The following KSR2 variants were observed in gnomAD, a reference collection of about 807,000 sequenced individuals.
KSR2 encodes the protein kinase suppressor of ras 2.
A neutral mutation model predicts 107.8 loss-of-function variants in KSR2; 25 were observed. That is an observed-to-expected ratio of 0.23 (90% confidence interval 0.17 to 0.32). The LOEUF (loss-of-function observed/expected upper bound fraction) is 0.32, where lower values mean the gene tolerates loss of function less well. Ranked by LOEUF, KSR2 falls within the 10% of genes least tolerant of loss-of-function variation. The pLI is 1.00. For missense variants in KSR2, 887 were observed against 1,268.9 expected (o/e 0.70, Z 4.57); for synonymous variants, 480 against 507.0 (o/e 0.95, Z 0.71).
At position 117,508,287 on chromosome 12, in the gene KSR2, A is replaced by G. The variant is rs183409997; in HGVS notation, c.2219+16565T>C. Among the ~76,000 whole-genome samples the G allele has an allele frequency of 9.3e-4, 142 of 152,298 alleles. 1 individual carries two copies. Among genetic ancestry groups the G allele is most frequent in the African/African-American group, 3.2e-3 (135 of 41,574 alleles). On this transcript the variant is annotated intron_variant, in intron 14 of 19. Coordinates refer to ENST00000339824, the MANE Select transcript of KSR2 (RefSeq NM_173598.6). ...CAGCCTTCCCATGCTACTGGCCATC[A>G]TGTCTTGCCTCAAGGAGTCGGCTTT...
At chr12:117,525,645 C>G (rs1335614599) in intron 13 of KSR2, among the ~76,000 whole-genome samples, 1 of 152,220 alleles carries the variant, frequency 6.6e-6, no homozygotes, top group Non-Finnish European at 1.5e-5. Context: ...CCTTCCTATT[C>G]TTCCATAGTC....
At chr12:117,885,661 GAACACAGGGAGGGGAAC>G (rs1486922329) in intron 1 of KSR2, among the ~76,000 whole-genome samples, 1 of 137,582 alleles carries the variant, frequency 7.3e-6, no homozygotes, top group East Asian at 2.1e-4. Flanking sequence ...CATAGGTATT[GAACACAGGGAGGGGAAC>G]AACACAGGGG....
intron 14 of KSR2, among the ~76,000 whole-genome samples, chr12:117,509,600 G>A (rs2137195043): frequency 6.6e-6 from 1 of 152,318 alleles, no homozygotes. Flanking sequence ...AGAGAGATCA[G>A]ACCCAGGGAA....
At chr12:117,959,584 G>A (rs1896603602) in intron 1 of KSR2, among the ~76,000 whole-genome samples, 1 of 152,036 alleles carries the variant, frequency 6.6e-6, no homozygotes, top group Non-Finnish European at 1.5e-5. Context: ...GCAGCAATCA[G>A]AAGATCATTT....
intron 1 of KSR2, among the ~76,000 whole-genome samples, chr12:117,884,488 T>C (rs1894116094): frequency 6.6e-6 from 1 of 152,194 alleles, no homozygotes; most frequent in Non-Finnish European, 1.5e-5. Flanking sequence ...TCTAAAGTTC[T>C]CTTGCTTGTA....
chr12:117,536,089 C>G (rs1359221037), intron 10 of KSR2, among the ~76,000 whole-genome samples: 1 of 151,388 alleles, frequency 6.6e-6, no homozygotes. Context: ...ATCCTTTTCA[C>G]CACATGTCCT....
intron 1 of KSR2, among the ~76,000 whole-genome samples, chr12:117,929,948 T>C (rs1487854818): frequency 2.6e-5 from 4 of 152,194 alleles, no homozygotes. Flanking sequence ...AGTTATTACA[T>C]AGCACTGTGA....
At chr12:117,770,495 T>C (rs936481516) in intron 3 of KSR2, among the ~76,000 whole-genome samples, 1 of 152,110 alleles carries the variant, frequency 6.6e-6, no homozygotes, top group Middle Eastern at 3.4e-3. Context: ...AGTATGTTTC[T>C]GCTGGTTTAA....
rs1565922870 is a variant in KSR2, at chr12:117,606,414, TCCCTCCCCTCCTTCCTC to T, written c.1172-24072_1172-24056del. 3.0e-4 allele frequency among the ~76,000 whole-genome samples: 24 copies of T among 80,768 alleles called. 2 individuals carry two copies. The highest frequency in any genetic ancestry group is 5.2e-4 in the African/African-American group (10 of 19,202). 53.0% of individuals were successfully genotyped at this position (80,768 alleles called of 152,430 possible). A position where few individuals can be genotyped will look rare whatever the true frequency, so the allele number is the denominator to read the frequency against. ...CTCCCTCCCTCCTCTCCTTCCTCCC[TCCCTCCCCTCCTTCCTC>T]CCTCCCTCCCCTCCTTCCTCCCTCC... On this transcript the variant is annotated intron_variant, in intron 5 of 19. Coordinates refer to ENST00000339824, the MANE Select transcript of KSR2 (RefSeq NM_173598.6).
At chr12:117,830,633 A>G (rs1228872318) in intron 3 of KSR2, among the ~76,000 whole-genome samples, 2 of 152,242 alleles carry the variant, frequency 1.3e-5, no homozygotes, top group Admixed American at 1.3e-4. Flanking sequence ...TCATTTCCAG[A>G]TGATTAAAAA....
intron 16 of KSR2, among the ~76,000 whole-genome samples, chr12:117,477,233 C>A (rs973115937): frequency 6.6e-6 from 1 of 152,226 alleles, no homozygotes; most frequent in Non-Finnish European, 1.5e-5. Context: ...GGCAGAACAT[C>A]CTCCTGTTTG....
At chr12:117,637,737 AAT>A (rs1883182109) in intron 5 of KSR2, among the ~76,000 whole-genome samples, 4 of 125,540 alleles carry the variant, frequency 3.2e-5, no homozygotes, top group Non-Finnish European at 6.2e-5. Context: ...GCTGGAGTGC[AAT>A]GACACGATCT....
At chr12:117,478,516 C>G (rs1318823803) in intron 16 of KSR2, among the ~76,000 whole-genome samples, 1 of 151,970 alleles carries the variant, frequency 6.6e-6, no homozygotes, top group African/African-American at 2.4e-5. Flanking sequence ...TTCATGGTCG[C>G]TTGAACTCCT....
chr12:117,504,322 A>G (rs1706627104), intron 14 of KSR2, among the ~76,000 whole-genome samples: 1 of 152,234 alleles, frequency 6.6e-6, no homozygotes, highest in Admixed American at 6.5e-5. Context: ...GTTTCAATTG[A>G]AAGTCCTGTC....
chr12:117,896,755 T>C (rs1449452294), intron 1 of KSR2, among the ~76,000 whole-genome samples: 1 of 152,158 alleles, frequency 6.6e-6, no homozygotes, highest in Non-Finnish European at 1.5e-5. Context: ...CCACCACACC[T>C]GGCCTGCACA....
intron 5 of KSR2, among the ~76,000 whole-genome samples, chr12:117,626,896 G>A (rs1371113713): frequency 6.6e-6 from 1 of 152,088 alleles, no homozygotes; most frequent in Non-Finnish European, 1.5e-5. Context: ...CTCCTGTATT[G>A]GGTGCATATA....
intron 1 of KSR2, among the ~76,000 whole-genome samples, chr12:117,934,013 C>G (rs1895770253): frequency 6.6e-6 from 1 of 152,196 alleles, no homozygotes; most frequent in Non-Finnish European, 1.5e-5. Flanking sequence ...ACGTTGCAAA[C>G]TCTGAAACAT....
chr12:117,554,950 G>A (rs548694957), intron 9 of KSR2, among the ~76,000 whole-genome samples: 1 of 152,194 alleles, frequency 6.6e-6, no homozygotes, highest in South Asian at 2.1e-4. Flanking sequence ...TTCTCATTCC[G>A]ACATGCCCTC....
At chr12:117,966,901 C>T (rs765986486) in intron 1 of KSR2, among the ~76,000 whole-genome samples, 2 of 152,166 alleles carry the variant, frequency 1.3e-5, no homozygotes, top group Non-Finnish European at 2.9e-5. Context: ...CCAAGATGAA[C>T]GTCTCAGTAC....
Sources: gnomAD v4.1 joint callset for allele counts (sites outside exome capture counted in the v4.1 genomes callset) on GRCh38, gnomAD v4.1.1 for gene constraint, MANE v1.5 for transcripts, NCBI Gene and HGNC (gene_info 2026-07-23, HGNC 2026-07-21) for gene names.